LRCH1: variants seen among roughly 807,000 people sequenced by gnomAD.
LRCH1 encodes the protein leucine rich repeats and calponin homology domain containing 1, also known as leucine-rich repeat and calponin homology domain-containing protein 1.
A neutral mutation model predicts 94.9 loss-of-function variants in LRCH1; 23 were observed. That is an observed-to-expected ratio of 0.24 (90% CI 0.17 to 0.34). The LOEUF (loss-of-function observed/expected upper bound fraction) is 0.34, where lower values mean the gene tolerates loss of function less well. LRCH1 is among the 10% of genes least tolerant of loss of function. The pLI, the probability that LRCH1 is intolerant of heterozygous loss-of-function variation, is 1.00. For missense variants in LRCH1, 790 were observed against 945.9 expected, an observed-to-expected ratio of 0.84 and a Z score of 2.16; for synonymous variants, 364 against 354.9, an observed-to-expected ratio of 1.03 and a Z score of -0.29.
chr13:46,572,252 G>T (rs192067173), intron 1 of LRCH1, among the ~76,000 whole-genome samples: 5 of 152,318 alleles, frequency 3.3e-5, no homozygotes, highest in African/African-American at 1.2e-4. Flanking sequence ...GGAGGACTTT[G>T]GTTCTCTTTG....
At chr13:46,634,839 G>A (rs1265826497) in intron 1 of LRCH1, among the ~76,000 whole-genome samples, 3 of 146,268 alleles carry the variant, frequency 2.1e-5, no homozygotes, top group African/African-American at 7.4e-5. Context: ...CGTGTGGGTG[G>A]TTTTTCCTGG....
intron 1 of LRCH1, among the ~76,000 whole-genome samples, chr13:46,631,681 A>C (rs182053689): frequency 2.0e-5 from 3 of 152,208 alleles, no homozygotes; most frequent in Non-Finnish European, 4.4e-5. Context: ...CTAGCTGTTG[A>C]TTCTTTTTAA....
chr13:46,596,603 TG>T (rs558308290), intron 1 of LRCH1, among the ~76,000 whole-genome samples: 7 of 152,366 alleles, frequency 4.6e-5, no homozygotes, highest in African/African-American at 1.7e-4. Context: ...TATGAAAGAA[TG>T]TCAGTGAATT....
chr13:46,681,934 C>G (rs974874219), intron 4 of LRCH1, 88 bp downstream of exon 4: 3 of 446,164 alleles, frequency 6.7e-6, no homozygotes, highest in Non-Finnish European at 1.2e-5. Flanking sequence ...GAGGGTCGAT[C>G]TTTGTGTGTG....
chr13:46,677,050 G>C (rs1196862096), intron 3 of LRCH1, among the ~76,000 whole-genome samples: 1 of 152,066 alleles, frequency 6.6e-6, no homozygotes, highest in Non-Finnish European at 1.5e-5. Flanking sequence ...AAAGTGCTGG[G>C]AATATAGGCA....
At chr13:46,735,954 G>A (rs1166427937) in intron 19 of LRCH1, among the ~76,000 whole-genome samples, 3 of 151,746 alleles carry the variant, frequency 2.0e-5, no homozygotes, top group African/African-American at 4.8e-5. Context: ...GCACTACCAC[G>A]CCCAGCTAAG....
intron 1 of LRCH1, among the ~76,000 whole-genome samples, chr13:46,591,987 T>G (rs1461762600): frequency 6.6e-6 from 1 of 152,220 alleles, no homozygotes; most frequent in African/African-American, 2.4e-5. Context: ...TATCATATGG[T>G]ATTGGAATCA....
At position 46,560,340 on chromosome 13, in the gene LRCH1, A is replaced by G. The variant is rs146806146; in HGVS notation, c.307+6637A>G. Among the ~76,000 whole-genome samples the G allele has an allele frequency of 2.3e-3, 344 of 152,112 alleles. 2 individuals carry two copies. The highest frequency in any genetic ancestry group is 7.5e-3 in the African/African-American group (312 of 41,532). On this transcript the variant is annotated intron_variant, in intron 1 of 19. Transcript: ENST00000389797. Reference sequence around the variant, plus strand: ...CCATGTGTAACTTGAATTTTTGTCTAAGCCTCAGAAAAACCTGTTTGTGAG... The same window carrying G: ...CCATGTGTAACTTGAATTTTTGTCTGAGCCTCAGAAAAACCTGTTTGTGAG...
In LRCH1 at chr13:46,695,000, G is replaced by C; in HGVS notation, c.1228G>C (p.Glu410Gln). ...FTDRADGLHS[E>Q]FMNYKARAED... Reference sequence around the variant, plus strand: ...TGATAGAGCAGATGGTCTCCATTCGGAATTTATGAACTATAAGGCAAGATT... The same window carrying C: ...TGATAGAGCAGATGGTCTCCATTCGCAATTTATGAACTATAAGGCAAGATT... The change falls in exon 9 of 20, where the codon GAA (glutamate) becomes CAA (glutamine). Residue 410 changes from glutamate (E) to glutamine (Q), a missense_variant. By Grantham distance (29) the Glu-to-Gln change is conservative. Transcript: ENST00000389797. 1 of 1,613,892 alleles carries C rather than the reference G, an allele frequency of 6.2e-7. No individual in the cohort carries two copies. Among genetic ancestry groups the C allele is most frequent in the South Asian group, 1.1e-5 (1 of 91,046 alleles).
At chr13:46,647,643 T>C (rs1475585410) in intron 1 of LRCH1, among the ~76,000 whole-genome samples, 10 of 152,224 alleles carry the variant, frequency 6.6e-5, no homozygotes, top group Non-Finnish European at 1.3e-4. Flanking sequence ...TTTGGCACTC[T>C]GGCTTTATAC....
intron 1 of LRCH1, among the ~76,000 whole-genome samples, chr13:46,649,625 AT>A (rs1302162061): frequency 6.6e-6 from 1 of 152,002 alleles, no homozygotes; most frequent in African/African-American, 2.4e-5. Context: ...GTACTTGGTT[AT>A]TGTCTGTTAT....
intron 16 of LRCH1, among the ~76,000 whole-genome samples, chr13:46,722,000 C>T (rs1278034679): frequency 4.6e-5 from 7 of 152,108 alleles, no homozygotes; most frequent in African/African-American, 1.2e-4. Context: ...TTGATTACAC[C>T]GAGCGGACTC....
chr13:46,561,596 G>A (rs61496178), intron 1 of LRCH1, among the ~76,000 whole-genome samples: 20,275 of 152,216 alleles, frequency 0.13, 1,445 homozygotes, highest in African/African-American at 0.19. Context: ...ACAGCGTGAG[G>A]AGTAGCATCA....
In LRCH1 at chr13:46,742,657, G is replaced by A. The variant is rs1873727103; in HGVS notation, c.*809G>A. On this transcript the variant is annotated 3_prime_UTR_variant, in exon 20 of 20. Transcript: ENST00000389797. ...CTCTTAGAAAAGCGTTTTCCAGAGA[G>A]ATTTCTATTTTTGAACAATGGAACG... 3 of 985,396 alleles carry A rather than the reference G, an allele frequency of 3.0e-6. No homozygotes were observed. In the African/African-American group the frequency reaches 5.2e-5, roughly 17 times the overall value. 61.0% of individuals were successfully genotyped at this position (985,396 alleles called of 1,614,324 possible).
chr13:46,714,686 T>C (rs1872231260), intron 15 of LRCH1, among the ~76,000 whole-genome samples: 1 of 152,180 alleles, frequency 6.6e-6, no homozygotes, highest in South Asian at 2.1e-4. Context: ...TAGAACTATA[T>C]CCATTTATTT....
chr13:46,607,016 A>G (rs1355068063), intron 1 of LRCH1, among the ~76,000 whole-genome samples: 1 of 152,132 alleles, frequency 6.6e-6, no homozygotes, highest in East Asian at 1.9e-4. Context: ...CTGGGTTTTT[A>G]TGGAAAAGGC....
chr13:46,685,543 G>A (rs994174276), intron 4 of LRCH1, among the ~76,000 whole-genome samples: 2 of 152,136 alleles, frequency 1.3e-5, no homozygotes, highest in Non-Finnish European at 2.9e-5. Context: ...GCTAGCGAGT[G>A]CTACTGGGAA....
intron 3 of LRCH1, among the ~76,000 whole-genome samples, chr13:46,672,426 T>C (rs1420584557): frequency 6.6e-6 from 1 of 152,102 alleles, no homozygotes; most frequent in Admixed American, 6.5e-5. Context: ...TGATACGTGC[T>C]TCTGTCCCAT....
chr13:46,741,631 C>T lies in LRCH1; in HGVS notation c.2086-11C>T, dbSNP rs748878363. The T allele has an allele frequency of 6.8e-6, 11 of 1,613,862 alleles. No homozygotes were observed. In the African/African-American group the frequency reaches 1.5e-4, roughly 22 times the overall value. On this transcript the variant is annotated splice_polypyrimidine_tract_variant and intron_variant, in intron 19 of 19. Transcript: ENST00000389797. ...TGTCTCTTTCTGTTCTAATGGCTGCCCTCGGAATAGGCTGACCTCTGCTCT... is the reference window on the plus strand; with the variant it reads ...TGTCTCTTTCTGTTCTAATGGCTGCTCTCGGAATAGGCTGACCTCTGCTCT...
Sources: allele counts gnomAD v4.1 joint callset (sites outside exome capture counted in the v4.1 genomes callset), GRCh38; gene constraint gnomAD v4.1.1; transcripts MANE v1.5; gene names NCBI Gene and HGNC (gene_info 2026-07-23, HGNC 2026-07-21).